The following CADM2 variants were observed in gnomAD, a reference collection of about 807,000 sequenced individuals.
CADM2 encodes the protein immunoglobulin superfamily member 4D.
In CADM2, 12 loss-of-function variants were observed where a neutral mutation model predicts 49.8. The observed-to-expected ratio is 0.24, with a 90% CI of 0.15 to 0.39. CADM2 has a LOEUF of 0.39. CADM2 is among the 10% of genes least tolerant of loss of function. CADM2 has a pLI of 1.00. For missense variants in CADM2, 378 were observed against 492.3 expected (o/e 0.77, Z 2.20); for synonymous variants, 214 against 175.4 (o/e 1.22, Z -1.74).
chr3:85,134,279 T>G (rs918349021), intron 1 of CADM2, among the ~76,000 whole-genome samples: 1 of 152,204 alleles, frequency 6.6e-6, no homozygotes, highest in African/African-American at 2.4e-5. Flanking sequence ...GAGCCGGCTC[T>G]GGCCTTGGCC....
chr3:85,368,450 A>G (rs1252516219), intron 1 of CADM2, among the ~76,000 whole-genome samples: 1 of 151,798 alleles, frequency 6.6e-6, no homozygotes, highest in Non-Finnish European at 1.5e-5. Flanking sequence ...TGGTAATAGC[A>G]TAAGCAGTTG....
intron 7 of CADM2, among the ~76,000 whole-genome samples, chr3:85,953,189 C>T (rs569652290): frequency 4.0e-5 from 6 of 150,974 alleles, no homozygotes; most frequent in Middle Eastern, 3.4e-3. Flanking sequence ...TTCTGCTTTT[C>T]GTCCTATAGA....
chr3:85,979,372 A>G, intron 8 of CADM2: 1 of 1,419,838 alleles, frequency 7.0e-7, no homozygotes, highest in Non-Finnish European at 9.5e-7. Context: ...ATTGAGATTC[A>G]ATTTTACTTA....
At chr3:85,554,340 T>C (rs961068858) in intron 1 of CADM2, among the ~76,000 whole-genome samples, 8 of 152,152 alleles carry the variant, frequency 5.3e-5, no homozygotes, top group Non-Finnish European at 1.2e-4. Flanking sequence ...GCTGGCTTGC[T>C]GGCCCGCAGC....
At chr3:85,121,214 G>A (rs2038851617) in intron 1 of CADM2, among the ~76,000 whole-genome samples, 1 of 152,174 alleles carries the variant, frequency 6.6e-6, no homozygotes, top group African/African-American at 2.4e-5. Flanking sequence ...CTGGCCATCA[G>A]AAATTACAAA....
chr3:86,071,234 G>A lies in CADM2; in HGVS notation c.*4451G>A, dbSNP rs184446742. 12 of 152,012 alleles carry A rather than the reference G, an allele frequency of 7.9e-5. No individual in the cohort carries two copies. The highest frequency in any genetic ancestry group is 4.6e-4 in the Admixed American group (7 of 15,254). 9.4% of individuals were successfully genotyped at this position (152,012 alleles called of 1,614,324 possible). On this transcript the variant is annotated 3_prime_UTR_variant, in exon 10 of 10. Transcript: ENST00000383699. ...TTCATAGATTGTAGCAAGTACAAAT[G>A]TATTCAATGAAAGAACATAGGGTAG...
intron 1 of CADM2, among the ~76,000 whole-genome samples, chr3:84,979,838 A>G (rs1373610030): frequency 6.6e-6 from 1 of 152,120 alleles, no homozygotes; most frequent in Non-Finnish European, 1.5e-5. Flanking sequence ...TAATTTTTCC[A>G]TCTTTCTTGG....
At chr3:85,412,600 C>A (rs1397899232) in intron 1 of CADM2, among the ~76,000 whole-genome samples, 1 of 151,194 alleles carries the variant, frequency 6.6e-6, no homozygotes, top group Non-Finnish European at 1.5e-5. Flanking sequence ...GTTACATCAA[C>A]TGGATACATA....
chr3:85,110,801 AG>A (rs2038426984), intron 1 of CADM2, among the ~76,000 whole-genome samples: 1 of 151,838 alleles, frequency 6.6e-6, no homozygotes, highest in Non-Finnish European at 1.5e-5. Context: ...AGGAGGGCAA[AG>A]AAGGAAGGCC....
At chr3:85,430,780 C>A (rs2036627077) in intron 1 of CADM2, among the ~76,000 whole-genome samples, 1 of 151,856 alleles carries the variant, frequency 6.6e-6, no homozygotes, top group Non-Finnish European at 1.5e-5. Flanking sequence ...TGTTGTTGTA[C>A]TTTTGTTACA....
chr3:85,630,157 C>A (rs2064262007), intron 1 of CADM2, among the ~76,000 whole-genome samples: 1 of 151,902 alleles, frequency 6.6e-6, no homozygotes, highest in Non-Finnish European at 1.5e-5. Context: ...GAATCTAAGA[C>A]CATGCTTTTT....
chr3:85,929,889 T>C (rs963679927), intron 6 of CADM2, among the ~76,000 whole-genome samples: 13 of 152,104 alleles, frequency 8.5e-5, no homozygotes, highest in Non-Finnish European at 1.3e-4. Context: ...TGATAAAGTG[T>C]CTGATGAAAA....
At chr3:85,091,290 C>T (rs2037587293) in intron 1 of CADM2, among the ~76,000 whole-genome samples, 1 of 151,888 alleles carries the variant, frequency 6.6e-6, no homozygotes, top group Non-Finnish European at 1.5e-5. Flanking sequence ...TCTTCAATGG[C>T]AGCTAAATGA....
Position 85,458,086 on chromosome 3 carries a change from T to C in CADM2, c.62-268436T>C, listed in dbSNP as rs2038075374. ...ATCAACTATTCCTTTGTTTATGATC[T>C]TCCTTTCAGGAAGCAAACGCTTGTT... On this transcript the variant is annotated intron_variant, in intron 1 of 9. Coordinates refer to ENST00000383699, the MANE Select transcript of CADM2 (RefSeq NM_001167675.2). Among the ~76,000 whole-genome samples, 5 of 152,214 alleles carry C rather than the reference T, an allele frequency of 3.3e-5. No homozygotes were observed. The South Asian group carries it at 8.3e-4, about 25-fold the overall frequency.
intron 1 of CADM2, among the ~76,000 whole-genome samples, chr3:85,528,123 A>G (rs2061212924): frequency 6.6e-6 from 1 of 152,116 alleles, no homozygotes; most frequent in Admixed American, 6.5e-5. Flanking sequence ...CCACTAACCA[A>G]GCTCTCAGGG....
At chr3:85,543,340 C>T (rs999074096) in intron 1 of CADM2, among the ~76,000 whole-genome samples, 5 of 151,098 alleles carry the variant, frequency 3.3e-5, no homozygotes, top group African/African-American at 9.7e-5. Context: ...CCGCAACCTC[C>T]GCCTCCCAGG....
chr3:85,172,854 A>G (rs2040664240), intron 1 of CADM2, among the ~76,000 whole-genome samples: 1 of 147,106 alleles, frequency 6.8e-6, no homozygotes, highest in African/African-American at 2.5e-5. Context: ...ATATATAAAA[A>G]TATATGTGAT....
chr3:85,195,839 AT>A (rs2041331430), intron 1 of CADM2, among the ~76,000 whole-genome samples: 1 of 152,116 alleles, frequency 6.6e-6, no homozygotes, highest in African/African-American at 2.4e-5. Context: ...TTATTAATTG[AT>A]AAAATGCAAT....
At chr3:85,595,552 T>G (rs2063219049) in intron 1 of CADM2, among the ~76,000 whole-genome samples, 1 of 152,046 alleles carries the variant, frequency 6.6e-6, no homozygotes, top group Admixed American at 6.6e-5. Flanking sequence ...TAAGCTAATA[T>G]GTGTAGTATT....
Sources: gnomAD v4.1 joint callset for allele counts (sites outside exome capture counted in the v4.1 genomes callset) on GRCh38, gnomAD v4.1.1 for gene constraint, MANE v1.5 for transcripts, NCBI Gene and HGNC (gene_info 2026-07-23, HGNC 2026-07-21) for gene names.